NCOR1: variants seen among roughly 807,000 people sequenced by gnomAD.
NCOR1 encodes the protein nuclear receptor corepressor 1, also known as protein phosphatase 1, regulatory subunit 109.
Under a neutral mutation model 288.1 loss-of-function variants are expected in NCOR1, and 63 were observed. The ratio of observed to expected loss-of-function variants is 0.22; its 90% CI spans 0.18 to 0.27. The LOEUF (loss-of-function observed/expected upper bound fraction) is 0.27. Ranked by LOEUF, NCOR1 falls within the 10% of genes least tolerant of loss-of-function variation. The probability of loss-of-function intolerance (pLI) is 1.00; values close to 1 mark genes in which losing one functional copy is unlikely to be tolerated. For missense variants in NCOR1, 2,397 were observed against 3,019.2 expected, an observed-to-expected ratio of 0.79 and a Z score of 4.83; for synonymous variants, 1,007 against 1,065.9, an observed-to-expected ratio of 0.94 and a Z score of 1.08.
intron 14 of NCOR1, among the ~76,000 whole-genome samples, chr17:16,132,382 C>A (rs373990775): frequency 6.6e-6 from 1 of 152,204 alleles, no homozygotes; most frequent in African/African-American, 2.4e-5. Context: ...GAAACTCTTA[C>A]TGCTAGCAAG....
intron 40 of NCOR1, 105 bp from the exon 41 acceptor site, chr17:16,049,093 A>G (rs2059004849): frequency 8.1e-7 from 1 of 1,230,248 alleles, no homozygotes; most frequent in Non-Finnish European, 1.1e-6. Context: ...AAGGAGCAAA[A>G]GCTGCCAATT....
In NCOR1 at chr17:16,065,687, A is replaced by G. The variant is rs2061034140; in HGVS notation, c.4749T>C (p.Ala1583=). The change falls in exon 33 of 46, where the codon GCT becomes GCC. Residue 1583 remains alanine, a synonymous_variant. Transcript: ENST00000268712. Reference sequence around the variant, plus strand: ...AAAGCTGTCTCTGAAACAGGTAAGCAGCCGCTGCTGATTGAGAGAATGAAA... The same window carrying G: ...AAAGCTGTCTCTGAAACAGGTAAGCGGCCGCTGCTGATTGAGAGAATGAAA... ...PFHRALDPAA[A]AYLFQRQLSP... The G allele has an allele frequency of 1.9e-6, 3 of 1,614,090 alleles. No individual in the cohort carries two copies. In the African/African-American group the frequency reaches 4.0e-5, roughly 22 times the overall value.
intron 20 of NCOR1, 27 bp downstream of exon 20, chr17:16,101,223 G>A (rs62073621): frequency 0.13 from 202,751 of 1,546,180 alleles, 14,578 homozygotes; most frequent in Middle Eastern, 0.15. Context: ...GAGTAAGCAC[G>A]GGGAGGACTT....
At chr17:16,062,348 G>A (rs2060630971) in intron 35 of NCOR1, 78 bp from the exon 36 acceptor site, 1 of 1,378,242 alleles carries the variant, frequency 7.3e-7, no homozygotes, top group Non-Finnish European at 9.6e-7. Flanking sequence ...CTTATGGATT[G>A]TTTATTTCCT....
chr17:16,058,082 G>C lies in NCOR1; in HGVS notation c.6011-18C>G, dbSNP rs2152556813. Reference sequence around the variant, plus strand: ...AGGATCATCTAGGAGAGAACACATAGATGTCTTACTCCAGGAATGTCTGTG... The same window carrying C: ...AGGATCATCTAGGAGAGAACACATACATGTCTTACTCCAGGAATGTCTGTG... On this transcript the variant is annotated intron_variant, in intron 38 of 45. Coordinates refer to ENST00000268712, the MANE Select transcript of NCOR1 (RefSeq NM_006311.4). 1.3e-5 allele frequency: 21 copies of C among 1,612,556 alleles called. No homozygotes were observed. Among genetic ancestry groups the C allele is most frequent in the Non-Finnish European group, 1.8e-5 (21 of 1,178,792 alleles).
At chr17:16,034,181 G>T (rs1428184891) in intron 45 of NCOR1, among the ~76,000 whole-genome samples, 1 of 152,122 alleles carries the variant, frequency 6.6e-6, no homozygotes, top group Non-Finnish European at 1.5e-5. Flanking sequence ...GTCAATGTTC[G>T]CTACCAGTGT....
chr17:16,032,354 C>G lies in NCOR1; in HGVS notation c.7265G>C (p.Arg2422Pro). 1 of 1,614,122 alleles carries G rather than the reference C, an allele frequency of 6.2e-7. No homozygotes were observed. Among genetic ancestry groups the G allele is most frequent in the Non-Finnish European group, 8.5e-7 (1 of 1,180,014 alleles). ...APHQQNRIWE[R>P]EPAPLLSAQY... ...TGCTGAGAGCAGTGGGGCAGGCTCT[C>G]GCTCCCAGATCCTGTTCTGTTGGTG... Residue 2422 changes from arginine (R) to proline (P), a missense_variant, in exon 46 of 46, where the codon CGA becomes CCA. This residue lies in a region of NCOR1 where 1,872 missense variants were observed against 2,187.8 expected (regional missense o/e 0.86). Coordinates refer to ENST00000268712, the MANE Select transcript of NCOR1 (RefSeq NM_006311.4).
intron 40 of NCOR1, among the ~76,000 whole-genome samples, chr17:16,050,748 A>T (rs543260532): frequency 6.6e-6 from 1 of 151,962 alleles, no homozygotes; most frequent in Non-Finnish European, 1.5e-5. Flanking sequence ...TTTTATTTAT[A>T]AAACTTGAAA....
At chr17:16,152,528 C>T (rs1385539516) in intron 7 of NCOR1, among the ~76,000 whole-genome samples, 1 of 152,092 alleles carries the variant, frequency 6.6e-6, no homozygotes, top group Non-Finnish European at 1.5e-5. Flanking sequence ...GTATATGTGC[C>T]ACATTTTCTT....
chr17:16,137,778 A>T (rs1288614786), intron 13 of NCOR1: 2 of 223,924 alleles, frequency 8.9e-6, no homozygotes, highest in Admixed American at 1.1e-4. Flanking sequence ...TTAAATATGG[A>T]ATGATTCACA....
At chr17:16,181,658 A>G (rs1255006231) in intron 3 of NCOR1, among the ~76,000 whole-genome samples, 2 of 125,116 alleles carry the variant, frequency 1.6e-5, no homozygotes, top group South Asian at 4.7e-4. Flanking sequence ...TGGCTAAACT[A>G]TGTGTATCCC....
intron 31 of NCOR1, chr17:16,068,360 T>A (rs1371194357): frequency 2.1e-6 from 1 of 485,088 alleles, no homozygotes; most frequent in Non-Finnish European, 3.7e-6. Flanking sequence ...ATAGCACCAG[T>A]ATTTTACCAC....
At chr17:16,170,279 G>A (rs2082884755) in intron 4 of NCOR1, among the ~76,000 whole-genome samples, 3 of 151,966 alleles carry the variant, frequency 2.0e-5, no homozygotes, top group Admixed American at 2.0e-4. Flanking sequence ...GGGCAATTAG[G>A]CATAAAGGTT....
chr17:16,091,085 A>G (rs1371768003), intron 22 of NCOR1, among the ~76,000 whole-genome samples: 1 of 152,222 alleles, frequency 6.6e-6, no homozygotes, highest in African/African-American at 2.4e-5. Flanking sequence ...TTTTAAAGAA[A>G]GTAAAAGTGT....
chr17:16,093,120 C>A (rs1177698457), intron 21 of NCOR1, among the ~76,000 whole-genome samples: 1 of 152,186 alleles, frequency 6.6e-6, no homozygotes, highest in Non-Finnish European at 1.5e-5. Context: ...GCCTACCTAA[C>A]AACTCCACTT....
intron 38 of NCOR1, 190 bp downstream of exon 38, chr17:16,058,281 T>C: frequency 1.1e-6 from 1 of 908,916 alleles, no homozygotes; most frequent in East Asian, 2.7e-5. Flanking sequence ...CAAACAAAAT[T>C]AATATAAACA....
rs767267506 is a variant in NCOR1 at position 16,058,508 on chromosome 17, G to C, written c.5973C>G (p.Thr1991=). The C allele has an allele frequency of 3.1e-6, 5 of 1,614,092 alleles. No individual in the cohort carries two copies. Among genetic ancestry groups the C allele is most frequent in the Non-Finnish European group, 4.2e-6 (5 of 1,179,992 alleles). Residue 1991 remains threonine (T), a synonymous_variant, in exon 38 of 46, where the codon ACC becomes ACG. Transcript: ENST00000268712. ...SPAPPQEKLQ[T]YQPEVVKANQ... ...TTGCCTTAACAACCTCTGGCTGATA[G>C]GTCTGCAGTTTCTCCTGGGGTGGCG...
Position 16,070,251 on chromosome 17 carries a change from T to G in NCOR1, c.4427A>C (p.Tyr1476Ser). ...GGTCCTCCGTGCACTGGTGTCATCA[T>G]AAATCCCAGGGCTCAGTTGTGCTTT... ...APKAQLSPGI[Y>S]DDTSARRTPV... The change falls in exon 31 of 46, where the codon TAT becomes TCT. Residue 1476 changes from tyrosine (Y) to serine (S), a missense_variant. Transcript: ENST00000268712. 6.2e-7 allele frequency: 1 copy of G among 1,614,154 alleles called. No homozygotes were observed.
At chr17:16,137,867 G>A (rs1380883952) in intron 13 of NCOR1, 5 of 320,124 alleles carry the variant, frequency 1.6e-5, no homozygotes, top group Admixed American at 9.6e-5. Flanking sequence ...CTGCTGAAGC[G>A]AGCACGAGAC....
Sources: gnomAD v4.1 joint callset for allele counts (sites outside exome capture counted in the v4.1 genomes callset) on GRCh38, gnomAD v4.1.1 for gene constraint, gnomAD v4.1.1 regional missense constraint, MANE v1.5 for transcripts, NCBI Gene and HGNC (gene_info 2026-07-23, HGNC 2026-07-21) for gene names.